The following CNTLN variants were observed in gnomAD, a reference collection of about 807,000 sequenced individuals.
CNTLN encodes centlein, centrosomal protein.
Under a neutral mutation model 180.0 loss-of-function variants are expected in CNTLN, and 212 were observed. The ratio of observed to expected loss-of-function variants is 1.18; its 90% CI spans 1.05 to 1.32. The LOEUF is 1.32. Ranked by LOEUF, CNTLN falls within the 40% of genes most tolerant of loss-of-function variation. CNTLN has a pLI of 0.00. For missense variants in CNTLN, 2,095 were observed against 1,610.9 expected (o/e 1.30, Z -5.14); for synonymous variants, 722 against 563.1 (o/e 1.28, Z -3.99).
chr9:17,444,989 T>G (rs1039356979), intron 18 of CNTLN, among the ~76,000 whole-genome samples: 1 of 152,102 alleles, frequency 6.6e-6, no homozygotes, highest in Non-Finnish European at 1.5e-5. Flanking sequence ...ATGAAAGACT[T>G]TTTTTGGTAA....
chr9:17,390,061 C>A (rs1825975929), intron 14 of CNTLN, among the ~76,000 whole-genome samples: 2 of 152,058 alleles, frequency 1.3e-5, no homozygotes, highest in African/African-American at 4.8e-5. Context: ...AAGAAACCAA[C>A]CCTGCTGACA....
intron 5 of CNTLN, among the ~76,000 whole-genome samples, chr9:17,253,305 A>G (rs1377933010): frequency 6.6e-6 from 1 of 151,660 alleles, no homozygotes; most frequent in Non-Finnish European, 1.5e-5. Context: ...TTTCTGTGAA[A>G]AATGATGTTG....
intron 6 of CNTLN, among the ~76,000 whole-genome samples, chr9:17,287,193 T>G (rs1405084222): frequency 1.3e-5 from 2 of 151,092 alleles, no homozygotes; most frequent in Non-Finnish European, 2.9e-5. Context: ...CAATACCTAA[T>G]TTATTGAGAG....
intron 2 of CNTLN, among the ~76,000 whole-genome samples, chr9:17,199,251 G>A (rs1222557624): frequency 3.1e-5 from 3 of 96,146 alleles, no homozygotes; most frequent in African/African-American, 1.2e-4. Flanking sequence ...TTGCCCTATT[G>A]TCCAGGCTGG....
At chr9:17,216,388 T>C (rs920950354) in intron 2 of CNTLN, among the ~76,000 whole-genome samples, 6 of 152,184 alleles carry the variant, frequency 3.9e-5, no homozygotes, top group African/African-American at 4.8e-5. Context: ...TTCAGTTCTT[T>C]TCCTCCTCCT....
intron 5 of CNTLN, among the ~76,000 whole-genome samples, chr9:17,272,000 C>G (rs1025528548): frequency 4.6e-5 from 7 of 151,902 alleles, no homozygotes; most frequent in Non-Finnish European, 7.4e-5. Context: ...TTGCATTTTG[C>G]TAGGATAGTG....
intron 2 of CNTLN, among the ~76,000 whole-genome samples, chr9:17,151,926 A>G (rs1437929494): frequency 6.6e-6 from 1 of 152,080 alleles, no homozygotes; most frequent in Admixed American, 6.5e-5. Context: ...CATTTTTTCT[A>G]GATTTTCTAG....
chr9:17,286,599 T>A (rs956194825), intron 6 of CNTLN, among the ~76,000 whole-genome samples: 3 of 138,568 alleles, frequency 2.2e-5, no homozygotes, highest in African/African-American at 8.9e-5. Flanking sequence ...CCTTGGGCAG[T>A]ATGGCCATTT....
At chr9:17,380,434 G>A (rs914751750) in intron 13 of CNTLN, among the ~76,000 whole-genome samples, 2 of 152,196 alleles carry the variant, frequency 1.3e-5, no homozygotes, top group African/African-American at 4.8e-5. Context: ...TAGAGATACA[G>A]ATACGTGTGT....
At chr9:17,289,674 A>G (rs1829231281) in intron 6 of CNTLN, among the ~76,000 whole-genome samples, 2 of 131,806 alleles carry the variant, frequency 1.5e-5, no homozygotes, top group Admixed American at 7.5e-5. Flanking sequence ...GTCTTTTCAC[A>G]TAGTCCCATA....
At chr9:17,294,270 CCTG>C (rs1330013738) in intron 6 of CNTLN, among the ~76,000 whole-genome samples, 1 of 152,018 alleles carries the variant, frequency 6.6e-6, no homozygotes. Flanking sequence ...GCTCTGGCAG[CCTG>C]CTTTTATTGT....
intron 7 of CNTLN, chr9:17,301,233 A>T: frequency 2.0e-6 from 2 of 985,472 alleles, no homozygotes; most frequent in Non-Finnish European, 2.4e-6. Context: ...AGTAGAGCTT[A>T]TATGCCCCTA....
At chr9:17,362,966 C>G (rs553263156) in intron 12 of CNTLN, among the ~76,000 whole-genome samples, 37 of 152,240 alleles carry the variant, frequency 2.4e-4, no homozygotes, top group Admixed American at 1.7e-3. Context: ...CCAACTCCCA[C>G]TTATGAGTGA....
intron 25 of CNTLN, among the ~76,000 whole-genome samples, chr9:17,500,499 T>A (rs1833687678): frequency 6.6e-6 from 1 of 152,190 alleles, no homozygotes; most frequent in South Asian, 2.1e-4. Flanking sequence ...AACCAGCATG[T>A]TCCCCAAGCT....
chr9:17,379,187 G>A (rs1304175516), intron 13 of CNTLN, among the ~76,000 whole-genome samples: 1 of 151,890 alleles, frequency 6.6e-6, no homozygotes, highest in East Asian at 1.9e-4. Flanking sequence ...GCTAGTCAGA[G>A]CATAAACTAC....
chr9:17,399,599 C>T (rs375998058), intron 15 of CNTLN, among the ~76,000 whole-genome samples: 5 of 152,150 alleles, frequency 3.3e-5, no homozygotes, highest in African/African-American at 9.7e-5. Context: ...TTTCCATCTT[C>T]CTTCCATTTT....
At chr9:17,325,556 T>TACAC (rs142190202) in intron 8 of CNTLN, among the ~76,000 whole-genome samples, 7,611 of 147,554 alleles carry the variant, frequency 0.052, 500 homozygotes, top group African/African-American at 0.16. Context: ...CAGATTTTAT[T>TACAC]ACACACACAC....
intron 25 of CNTLN, among the ~76,000 whole-genome samples, chr9:17,493,213 A>G (rs1337086600): frequency 6.6e-6 from 1 of 152,198 alleles, no homozygotes; most frequent in Non-Finnish European, 1.5e-5. Context: ...CTTAAAAATG[A>G]TTCAAATGAT....
At chr9:17,211,390 G>A (rs898855379) in intron 2 of CNTLN, among the ~76,000 whole-genome samples, 2 of 151,936 alleles carry the variant, frequency 1.3e-5, no homozygotes, top group African/African-American at 4.8e-5. Context: ...ATTTCTGAGG[G>A]CTCTGTTCCG....
Sources: allele counts gnomAD v4.1 joint callset (sites outside exome capture counted in the v4.1 genomes callset), GRCh38; gene constraint gnomAD v4.1.1; transcripts MANE v1.5; gene names NCBI Gene and HGNC (gene_info 2026-07-23, HGNC 2026-07-21).